The following PDE4D variants were observed in gnomAD, a reference collection of about 807,000 sequenced individuals.
PDE4D encodes the protein 3',5'-cyclic-AMP phosphodiesterase 4D.
PDE4D carries 24 observed loss-of-function variants against 87.4 expected under a neutral mutation model. That is an observed-to-expected ratio of 0.27 (90% CI 0.20 to 0.39). The LOEUF is 0.39. PDE4D is among the 10% of genes least tolerant of loss of function. PDE4D has a pLI of 1.00. For synonymous variants in PDE4D, 384 were observed against 383.2 expected (o/e 1.00, Z -0.02); for missense variants, 714 against 1,041.0 (o/e 0.69, Z 4.32).
intron 1 of PDE4D, among the ~76,000 whole-genome samples, chr5:59,480,301 C>T (rs458953): frequency 6.6e-6 from 1 of 151,712 alleles, no homozygotes. Context: ...AGAATAAATG[C>T]AACATTATTG....
At chr5:60,228,206 T>C (rs1462242063) in intron 1 of PDE4D, among the ~76,000 whole-genome samples, 2 of 152,080 alleles carry the variant, frequency 1.3e-5, no homozygotes, top group East Asian at 1.9e-4. Flanking sequence ...TTTATAACTA[T>C]AAACACACAC....
At chr5:59,260,014 G>A (rs569800464) in intron 1 of PDE4D, among the ~76,000 whole-genome samples, 1 of 151,906 alleles carries the variant, frequency 6.6e-6, no homozygotes, top group African/African-American at 2.4e-5. Flanking sequence ...ACAAATTCCA[G>A]CATCAGTTGA....
At chr5:60,307,184 T>G (rs1158857141) in intron 1 of PDE4D, among the ~76,000 whole-genome samples, 1 of 152,120 alleles carries the variant, frequency 6.6e-6, no homozygotes, top group African/African-American at 2.4e-5. Flanking sequence ...TGTAAATACT[T>G]TAAACAACGA....
At chr5:60,403,599 C>A (rs542671622) in intron 1 of PDE4D, among the ~76,000 whole-genome samples, 154 of 152,358 alleles carry the variant, frequency 1.0e-3, no homozygotes, top group African/African-American at 3.6e-3. Flanking sequence ...ATCATCACAA[C>A]AATCACATGA....
intron 3 of PDE4D, among the ~76,000 whole-genome samples, chr5:59,981,040 C>A (rs1485173679): frequency 6.6e-6 from 1 of 152,028 alleles, no homozygotes; most frequent in Non-Finnish European, 1.5e-5. Flanking sequence ...TTTCATAAGG[C>A]CAGGAGTTTG....
intron 1 of PDE4D, among the ~76,000 whole-genome samples, chr5:60,504,380 T>C (rs1750232561): frequency 6.6e-6 from 1 of 152,002 alleles, no homozygotes; most frequent in Non-Finnish European, 1.5e-5. Flanking sequence ...TAGCATGACA[T>C]GTGAAAGGCA....
In PDE4D at chr5:60,040,949, G is replaced by A. The variant is rs1768411945; in HGVS notation, c.43-52232C>T. ...GAAAACAAAACTCTCCTCACTATAAGTTGAATGCTTTAGCTGATTAAAATA... is the reference window on the plus strand; with the variant it reads ...GAAAACAAAACTCTCCTCACTATAAATTGAATGCTTTAGCTGATTAAAATA... On this transcript the variant is annotated intron_variant, in intron 2 of 16. Coordinates refer to the PDE4D transcript ENST00000502484. Among the ~76,000 whole-genome samples, 2 of 152,102 alleles carry A rather than the reference G, an allele frequency of 1.3e-5. 1 individual carries two copies. The highest frequency in any genetic ancestry group is 1.3e-4 in the Admixed American group (2 of 15,262).
chr5:60,093,709 A>G (rs139302199), intron 2 of PDE4D, among the ~76,000 whole-genome samples: 268 of 152,284 alleles, frequency 1.8e-3, no homozygotes, highest in African/African-American at 6.1e-3. Flanking sequence ...GCAAAAATGA[A>G]AATATTCTTA....
intron 1 of PDE4D, among the ~76,000 whole-genome samples, chr5:59,661,077 TA>T (rs1745183927): frequency 3.0e-5 from 3 of 100,676 alleles, no homozygotes; most frequent in Non-Finnish European, 7.2e-5. Context: ...GATAATATTA[TA>T]TATATATATA....
intron 1 of PDE4D, among the ~76,000 whole-genome samples, chr5:59,829,807 A>C (rs1462442664): frequency 6.6e-6 from 1 of 151,978 alleles, no homozygotes; most frequent in Non-Finnish European, 1.5e-5. Context: ...TTCCCATATT[A>C]CTTAAAAAGC....
intron 1 of PDE4D, among the ~76,000 whole-genome samples, chr5:60,512,270 T>C (rs1192297947): frequency 6.6e-6 from 1 of 152,228 alleles, no homozygotes; most frequent in East Asian, 1.9e-4. Flanking sequence ...TACATACTTC[T>C]TTTAACTTAG....
At chr5:59,003,747 G>A (rs138932228) in intron 6 of PDE4D, among the ~76,000 whole-genome samples, 6 of 152,162 alleles carry the variant, frequency 3.9e-5, no homozygotes, top group African/African-American at 9.6e-5. Context: ...ATGAGATGAC[G>A]TATACCAGGA....
At chr5:59,426,996 T>TAC (rs1562166809) in intron 1 of PDE4D, among the ~76,000 whole-genome samples, 9 of 121,130 alleles carry the variant, frequency 7.4e-5, no homozygotes, top group African/African-American at 2.7e-4. Flanking sequence ...AACTTGAAGC[T>TAC]ATACACACAC....
intron 5 of PDE4D, among the ~76,000 whole-genome samples, chr5:59,176,067 A>T (rs1783838070): frequency 6.6e-6 from 1 of 152,184 alleles, no homozygotes; most frequent in Non-Finnish European, 1.5e-5. Flanking sequence ...AATGCCACAC[A>T]TCATCTTTGT....
chr5:58,988,563 T>C lies in PDE4D; in HGVS notation c.1482A>G (p.Ala494=). ...CATGTATTGCACTGGCAAAAATTGC[T>C]GCAAGAATCTCCAAATCTGTAAACA... ...EAVFTDLEIL[A]AIFASAIHDV... is the part of the protein sequence containing the mutation. The change falls in exon 11 of 15, where the codon GCA becomes GCG. Residue 494 remains alanine (A), a synonymous_variant. Transcript: ENST00000340635. 1.3e-6 allele frequency: 2 copies of C among 1,499,686 alleles called. No individual in the cohort carries two copies. Among genetic ancestry groups the C allele is most frequent in the Non-Finnish European group, 1.8e-6 (2 of 1,115,912 alleles). The allele number at this position is 1,499,686 out of a possible 1,614,324, so 92.9% of individuals were successfully genotyped here. A position where few individuals can be genotyped will look rare whatever the true frequency, so the allele number is the denominator to read the frequency against.
intron 1 of PDE4D, among the ~76,000 whole-genome samples, chr5:60,446,886 G>A (rs902948602): frequency 6.6e-6 from 1 of 152,136 alleles, no homozygotes; most frequent in Non-Finnish European, 1.5e-5. Context: ...GAAAACTACA[G>A]GTAGTTAGAC....
chr5:59,116,239 C>T (rs1462926607), intron 5 of PDE4D, among the ~76,000 whole-genome samples: 1 of 152,054 alleles, frequency 6.6e-6, no homozygotes, highest in East Asian at 1.9e-4. Context: ...CATACAATTC[C>T]CCATTATATA....
chr5:60,519,416 ATTTGG>A (rs1583978134), intron 1 of PDE4D, among the ~76,000 whole-genome samples: 1 of 152,244 alleles, frequency 6.6e-6, no homozygotes, highest in East Asian at 1.9e-4. Context: ...TAAAATGGCC[ATTTGG>A]TTAAAATCCA....
At chr5:60,398,546 G>A (rs144393293) in intron 1 of PDE4D, among the ~76,000 whole-genome samples, 15 of 152,174 alleles carry the variant, frequency 9.9e-5, no homozygotes, top group Non-Finnish European at 1.5e-4. Context: ...CTATCGAAGG[G>A]AACCTGGGAC....
Sources: gnomAD v4.1 joint callset for allele counts (sites outside exome capture counted in the v4.1 genomes callset) on GRCh38, gnomAD v4.1.1 for gene constraint, MANE v1.5 for transcripts, NCBI Gene and HGNC (gene_info 2026-07-23, HGNC 2026-07-21) for gene names.